The following ZNF75D variants were observed in gnomAD, a reference collection of about 807,000 sequenced individuals.
The protein encoded by ZNF75D is zinc finger protein 75D.
ZNF75D carries 33 observed loss-of-function variants against 33.3 expected under a neutral mutation model. The ratio of observed to expected loss-of-function variants is 0.99; its 90% CI spans 0.75 to 1.32. The LOEUF (loss-of-function observed/expected upper bound fraction) is 1.32, where lower values mean the gene tolerates loss of function less well. Ranked by LOEUF, ZNF75D falls within the 40% of genes most tolerant of loss-of-function variation. The pLI is 0.00. For synonymous variants in ZNF75D, 113 were observed against 130.6 expected (o/e 0.87, Z 0.92); for missense variants, 338 against 367.5 (o/e 0.92, Z 0.66).
intron 1 of ZNF75D, among the ~76,000 whole-genome samples, chrX:135,322,257 C>T (rs1425630057): frequency 8.9e-6 from 1 of 111,845 alleles, no homozygotes; most frequent in Admixed American, 9.5e-5. Context: ...TTCTGTCAAC[C>T]CATTTTAGAA....
chrX:135,278,271 T>C (rs1293853401), intron 1 of ZNF75D, among the ~76,000 whole-genome samples: 1 of 111,803 alleles, frequency 8.9e-6, no homozygotes, highest in African/African-American at 3.3e-5. Context: ...GGGAGTTCAC[T>C]CGTGATTTGG....
At chrX:135,328,987 G>A (rs782175888) in intron 1 of ZNF75D, among the ~76,000 whole-genome samples, 1 of 112,155 alleles carries the variant, frequency 8.9e-6, no homozygotes, top group Non-Finnish European at 1.9e-5. Context: ...AAATACCACT[G>A]ACAGAATTGG....
chrX:135,276,616 TCTC>T (rs1377867238), intron 1 of ZNF75D, among the ~76,000 whole-genome samples: 2 of 110,832 alleles, frequency 1.8e-5, no homozygotes, highest in Non-Finnish European at 3.8e-5. Flanking sequence ...ATTAGGTACT[TCTC>T]CTAATGCTAT....
rs184910643 is a variant in ZNF75D at position 135,308,434 on chromosome X, T to C, written c.-390-12395A>G. ...GCCATAACCTAACTAATCTACCTGATAAACCTCAACCCTGTTTGGTAATGG... is the reference window on the plus strand; with the variant it reads ...GCCATAACCTAACTAATCTACCTGACAAACCTCAACCCTGTTTGGTAATGG... On this transcript the variant is annotated intron_variant, in intron 1 of 6. Coordinates refer to ENST00000370766, the MANE Select transcript of ZNF75D (RefSeq NM_007131.5). Among the ~76,000 whole-genome samples the C allele has an allele frequency of 4.5e-5, 5 of 112,264 alleles. No homozygotes were observed. The East Asian group carries it at 1.4e-3, about 32-fold the overall frequency.
At position 135,279,493 on chromosome X, in the gene ZNF75D, T is replaced by G. The variant is rs782485398; in HGVS notation, n.828-23716A>C. Among the ~76,000 whole-genome samples, 7 of 111,712 alleles carry G rather than the reference T, an allele frequency of 6.3e-5. No homozygotes were observed. In the South Asian group the frequency reaches 2.2e-3, roughly 36 times the overall value. ...TTTCATGTCTCTATCTCCTTCAGTTTGGCTCTGATCTTAGTTATTTCTTGT... is the reference window on the plus strand; with the variant it reads ...TTTCATGTCTCTATCTCCTTCAGTTGGGCTCTGATCTTAGTTATTTCTTGT... On this transcript the variant is annotated intron_variant and non_coding_transcript_variant, in intron 1 of 3. Coordinates refer to the ZNF75D transcript ENST00000494295.
intron 6 of ZNF75D, among the ~76,000 whole-genome samples, chrX:135,289,983 G>T (rs1443679010): frequency 8.9e-6 from 1 of 111,859 alleles, no homozygotes; most frequent in Non-Finnish European, 1.9e-5. Flanking sequence ...ATAAACAAAA[G>T]GGAAAAAATG....
rs968375798 is a variant in ZNF75D at position 135,264,592 on chromosome X, A to T, written n.828-8815T>A. ...GAGAAACAGAGATATGTGGCATTTCAGACAAAGAATTAAACATTAGCTGTT... is the reference window on the plus strand; with the variant it reads ...GAGAAACAGAGATATGTGGCATTTCTGACAAAGAATTAAACATTAGCTGTT... On this transcript the variant is annotated intron_variant and non_coding_transcript_variant, in intron 1 of 3. Transcript: ENST00000494295. Among the ~76,000 whole-genome samples the T allele has an allele frequency of 5.3e-5, 6 of 112,272 alleles. No individual in the cohort carries two copies. In the Admixed American group the frequency reaches 5.7e-4, roughly 11 times the overall value.
intron 1 of ZNF75D, among the ~76,000 whole-genome samples, chrX:135,314,596 C>T (rs1439564893): frequency 5.4e-5 from 6 of 111,181 alleles, no homozygotes; most frequent in Non-Finnish European, 9.5e-5. Flanking sequence ...CAGCAATGAA[C>T]CTATCCAACC....
chrX:135,318,089 T>TATATATATA (rs67277814), intron 1 of ZNF75D, among the ~76,000 whole-genome samples: 1 of 83,405 alleles, frequency 1.2e-5, no homozygotes, highest in African/African-American at 4.8e-5. Context: ...ATATATATAT[T>TATATATATA]TTTTTTTTTT....
chrX:135,276,779 G>A (rs113412883), intron 1 of ZNF75D, among the ~76,000 whole-genome samples: 1 of 111,036 alleles, frequency 9.0e-6, no homozygotes, highest in Non-Finnish European at 1.9e-5. Flanking sequence ...TGCTGAGAAT[G>A]ATGGTTTCCA....
At chrX:135,258,549 TGAG>T (rs1556414874) in intron 1 of ZNF75D, among the ~76,000 whole-genome samples, 2 of 111,835 alleles carry the variant, frequency 1.8e-5, no homozygotes, top group Non-Finnish European at 3.8e-5. Context: ...TGACCAATGA[TGAG>T]GAGCTTTTTT....
At chrX:135,316,163 T>G (rs2084418316) in intron 1 of ZNF75D, among the ~76,000 whole-genome samples, 1 of 112,163 alleles carries the variant, frequency 8.9e-6, no homozygotes, top group Admixed American at 9.4e-5. Context: ...TGCTTCTAGG[T>G]TTATGACTCC....
intron 1 of ZNF75D, among the ~76,000 whole-genome samples, chrX:135,319,430 C>T (rs1322278206): frequency 8.9e-6 from 1 of 112,193 alleles, no homozygotes; most frequent in Non-Finnish European, 1.9e-5. Flanking sequence ...CACAGCAGAG[C>T]TCTGAAGTAT....
chrX:135,311,588 GAATAC>G (rs1556428221), intron 1 of ZNF75D, among the ~76,000 whole-genome samples: 1 of 111,721 alleles, frequency 9.0e-6, no homozygotes, highest in Admixed American at 9.5e-5. Context: ...CAGTTTTCAA[GAATAC>G]AATACAGTTA....
intron 1 of ZNF75D, among the ~76,000 whole-genome samples, chrX:135,313,475 TTTG>T (rs140508447): frequency 0.057 from 6,359 of 111,716 alleles, 183 homozygotes; most frequent in Non-Finnish European, 0.09. Flanking sequence ...TCTGGCTTTT[TTTG>T]TTGTTGTTGT....
At position 135,263,724 on chromosome X, in the gene ZNF75D, A is replaced by G. The variant is rs782021665; in HGVS notation, n.828-7947T>C. ...CCCGTTTTTCCAGATAGTCTGTCAC[A>G]GCTTCCCTTGGCTAGGAAAAGGAAA... On this transcript the variant is annotated intron_variant and non_coding_transcript_variant, in intron 1 of 3. Coordinates refer to the ZNF75D transcript ENST00000494295. Among the ~76,000 whole-genome samples the G allele has an allele frequency of 1.2e-4, 13 of 112,604 alleles. No homozygotes were observed. The East Asian group carries it at 3.4e-3, about 29-fold the overall frequency.
At chrX:135,273,783 G>C (rs1309241048) in intron 1 of ZNF75D, among the ~76,000 whole-genome samples, 1 of 111,931 alleles carries the variant, frequency 8.9e-6, no homozygotes, top group Non-Finnish European at 1.9e-5. Flanking sequence ...TTCTCTTGCA[G>C]TTGCAATACT....
At chrX:135,320,189 A>G (rs1345946031) in intron 1 of ZNF75D, among the ~76,000 whole-genome samples, 1 of 110,161 alleles carries the variant, frequency 9.1e-6, no homozygotes, top group Non-Finnish European at 1.9e-5. Context: ...GCTACTTGAA[A>G]AGCTGAGGCA....
At chrX:135,290,969 A>G in intron 6 of ZNF75D, 40 bp downstream of exon 6, 1 of 1,176,587 alleles carries the variant, frequency 8.5e-7, no homozygotes, top group African/African-American at 1.8e-5. Flanking sequence ...GACATAATAT[A>G]TTACTTAACT....
Sources: gnomAD v4.1 joint callset for allele counts (sites outside exome capture counted in the v4.1 genomes callset) on GRCh38, gnomAD v4.1.1 for gene constraint, MANE v1.5 for transcripts, NCBI Gene and HGNC (gene_info 2026-07-23, HGNC 2026-07-21) for gene names.